DMD: variants seen among roughly 807,000 people sequenced by gnomAD.
The protein encoded by DMD is mutant dystrophin.
Under a neutral mutation model 330.1 loss-of-function variants are expected in DMD, and 63 were observed. The ratio of observed to expected loss-of-function variants is 0.19; its 90% CI spans 0.16 to 0.24. The LOEUF (loss-of-function observed/expected upper bound fraction) is 0.24. Ranked by LOEUF, DMD falls within the 10% of genes least tolerant of loss-of-function variation. The probability of loss-of-function intolerance (pLI) is 1.00; values close to 1 mark genes in which losing one functional copy is unlikely to be tolerated. For missense variants in DMD, 3,344 were observed against 2,684.1 expected (o/e 1.25, Z -5.43); for synonymous variants, 1,223 against 959.8 (o/e 1.27, Z -5.07).
At chrX:32,425,470 TACA>T (rs2098208434) in intron 29 of DMD, among the ~76,000 whole-genome samples, 1 of 111,577 alleles carries the variant, frequency 9.0e-6, no homozygotes, top group Admixed American at 9.6e-5. Flanking sequence ...TCCCTTATAC[TACA>T]AACATGCTTA....
intron 13 of DMD, among the ~76,000 whole-genome samples, chrX:32,582,584 C>T (rs762351688): frequency 9.0e-6 from 1 of 111,417 alleles, no homozygotes; most frequent in Non-Finnish European, 1.9e-5. Flanking sequence ...CAATTAAAAC[C>T]ACAGCAGATT....
intron 74 of DMD, among the ~76,000 whole-genome samples, chrX:31,164,161 T>C: frequency 8.9e-6 from 1 of 111,985 alleles, no homozygotes; most frequent in Non-Finnish European, 1.9e-5. Context: ...CCAAATCCAG[T>C]GTTCTCCTTC....
chrX:32,131,046 ATGG>A (rs1374892279), intron 44 of DMD, among the ~76,000 whole-genome samples: 1 of 110,594 alleles, frequency 9.0e-6, no homozygotes, highest in Non-Finnish European at 1.9e-5. Flanking sequence ...TTAGCCAGGC[ATGG>A]TGGCGCATGC....
intron 44 of DMD, among the ~76,000 whole-genome samples, chrX:31,987,110 A>G (rs1376484624): frequency 8.9e-6 from 1 of 112,312 alleles, no homozygotes; most frequent in Admixed American, 9.4e-5. Flanking sequence ...TTTAATTAAT[A>G]TTTGCTATTG....
chrX:32,166,605 T>C (rs1054413425), intron 44 of DMD, among the ~76,000 whole-genome samples: 1 of 112,229 alleles, frequency 8.9e-6, no homozygotes, highest in East Asian at 2.8e-4. Flanking sequence ...CCCATTACTA[T>C]ATGAGCTCCT....
chrX:31,214,937 C>CTTTTTTTTTTTTTTTTT (rs761569710), intron 64 of DMD, among the ~76,000 whole-genome samples: 23 of 38,098 alleles, frequency 6.0e-4, no homozygotes, highest in Non-Finnish European at 7.3e-4. Context: ...TTTCTTTTTT[C>CTTTTTTTTTTTTTTTTT]TTTTTTTTTT....
At chrX:31,469,162 G>A (rs1179222077) in intron 59 of DMD, among the ~76,000 whole-genome samples, 1 of 110,844 alleles carries the variant, frequency 9.0e-6, no homozygotes, top group Non-Finnish European at 1.9e-5. Flanking sequence ...CATTTAGCCT[G>A]TTTACATTTA....
At chrX:32,300,874 G>T (rs765257994) in intron 42 of DMD, among the ~76,000 whole-genome samples, 13 of 110,283 alleles carry the variant, frequency 1.2e-4, no homozygotes, top group African/African-American at 1.6e-4. Context: ...CCAATGAATG[G>T]AATATGCTTT....
At chrX:33,060,847 A>C (rs2094574314) in intron 1 of DMD, among the ~76,000 whole-genome samples, 1 of 110,551 alleles carries the variant, frequency 9.0e-6, no homozygotes, top group Admixed American at 9.7e-5. Flanking sequence ...CAAAAAAAAA[A>C]AAAAAAAAAT....
At chrX:31,194,272 C>G (rs2042670432) in intron 67 of DMD, among the ~76,000 whole-genome samples, 1 of 111,975 alleles carries the variant, frequency 8.9e-6, no homozygotes, top group Non-Finnish European at 1.9e-5. Context: ...CAGACAAAAA[C>G]CTTGACTAGA....
At chrX:32,723,234 T>C (rs894737014) in intron 7 of DMD, among the ~76,000 whole-genome samples, 2 of 111,698 alleles carry the variant, frequency 1.8e-5, no homozygotes, top group African/African-American at 6.5e-5. Flanking sequence ...GTCGCATTGA[T>C]TGATTTGTGT....
intron 2 of DMD, among the ~76,000 whole-genome samples, chrX:32,910,954 ACAGAGCTAATGTTTATCCCTGTCTG>A (rs947910058): frequency 2.7e-5 from 3 of 111,915 alleles, no homozygotes; most frequent in Non-Finnish European, 5.6e-5. Context: ...TCCTGTCCAC[ACAGAGCTAATGTTTATCCCTGTCTG>A]CAGTCTTCAT....
intron 30 of DMD, among the ~76,000 whole-genome samples, chrX:32,410,901 A>G (rs1357033211): frequency 8.9e-6 from 1 of 112,085 alleles, no homozygotes; most frequent in Non-Finnish European, 1.9e-5. Flanking sequence ...ATTCTAGAAA[A>G]ACAGGTAAAC....
At chrX:33,031,890 T>C (rs1307242754) in intron 1 of DMD, among the ~76,000 whole-genome samples, 1 of 112,452 alleles carries the variant, frequency 8.9e-6, no homozygotes, top group African/African-American at 3.2e-5. Flanking sequence ...TAGCTTCACT[T>C]TGATGAGGTA....
chrX:32,031,506 C>T (rs1251006220), intron 44 of DMD, among the ~76,000 whole-genome samples: 1 of 111,561 alleles, frequency 9.0e-6, no homozygotes, highest in Non-Finnish European at 1.9e-5. Context: ...CTCTCTCACA[C>T]AGTCAATATA....
chrX:32,358,604 G>A (rs750242595), intron 37 of DMD, among the ~76,000 whole-genome samples: 137 of 111,847 alleles, frequency 1.2e-3, no homozygotes, highest in African/African-American at 4.0e-3. Flanking sequence ...GCATTTTTAT[G>A]TATTTTAAGG....
chrX:32,117,967 T>C (rs1021639131), intron 44 of DMD, among the ~76,000 whole-genome samples: 21 of 110,772 alleles, frequency 1.9e-4, no homozygotes, highest in Non-Finnish European at 3.8e-4. Flanking sequence ...TATAAAGGCA[T>C]TGTGTTTTCT....
rs760942621 is a variant in DMD, at chrX:33,059,974, T to C, written c.32-39774A>G. Among the ~76,000 whole-genome samples the C allele has an allele frequency of 1.0e-3, 116 of 112,243 alleles. No homozygotes were observed. The South Asian group carries it at 0.011, about 11-fold the overall frequency. On this transcript the variant is annotated intron_variant, in intron 1 of 78. Transcript: ENST00000357033. The stretch of plus-strand genomic sequence containing the variant: ...AGTGATACCCAGCCAAGATTAGTTT[T>C]CAGTTAGTCTTTTTATACCATCTTT...
chrX:32,050,871 T>C (rs1603623312), intron 44 of DMD, among the ~76,000 whole-genome samples: 1 of 111,004 alleles, frequency 9.0e-6, no homozygotes, highest in Admixed American at 9.6e-5. Flanking sequence ...TAAAATAACG[T>C]ACCTATAGTC....
Sources: gnomAD v4.1 joint callset for allele counts (sites outside exome capture counted in the v4.1 genomes callset) on GRCh38, gnomAD v4.1.1 for gene constraint, MANE v1.5 for transcripts, NCBI Gene and HGNC (gene_info 2026-07-23, HGNC 2026-07-21) for gene names.